TIPRL: variants seen among roughly 807,000 people sequenced by gnomAD.
The protein encoded by TIPRL is TIP41-like protein.
A neutral mutation model predicts 32.3 loss-of-function variants in TIPRL; 10 were observed. The observed-to-expected ratio is 0.31, with a 90% confidence interval of 0.19 to 0.52. The LOEUF (loss-of-function observed/expected upper bound fraction) is 0.52, where lower values mean the gene tolerates loss of function less well. Ranked by LOEUF, TIPRL falls within the 20% of genes least tolerant of loss-of-function variation. The probability of loss-of-function intolerance (pLI) is 0.96; values close to 1 mark genes in which losing one functional copy is unlikely to be tolerated. For missense variants in TIPRL, 250 were observed against 328.1 expected (o/e 0.76, Z 1.84); for synonymous variants, 100 against 114.0 (o/e 0.88, Z 0.78).
intron 5 of TIPRL, 78 bp from the exon 6 acceptor site, chr1:168,198,841 G>A (rs1700182920): frequency 8.0e-7 from 1 of 1,253,572 alleles, no homozygotes; most frequent in Non-Finnish European, 1.1e-6. Context: ...CTAAAATGTA[G>A]GCAGTCTGTT....
chr1:168,185,022 G>A, intron 3 of TIPRL, 144 bp downstream of exon 3: 1 of 541,054 alleles, frequency 1.8e-6, no homozygotes, highest in Non-Finnish European at 3.2e-6. Flanking sequence ...CTAATGTGAG[G>A]GGGTTTTGCT....
Position 168,198,945 on chromosome 1 carries a change from A to C in TIPRL, c.639A>C (p.Glu213Asp). The change falls in exon 6 of 7, where the codon GAA becomes GAC. Residue 213 changes from glutamate (E) to aspartate (D), a missense_variant. Glu to Asp is a conservative substitution (Grantham distance 45, BLOSUM62 2). Coordinates refer to ENST00000367833, the MANE Select transcript of TIPRL (RefSeq NM_152902.5). ...CTGACAAGACCTACATGTTACGAGA[A>C]TATACGTCACGAGAAAGCAAAATTT... ...HEADKTYMLREYTSRESKISS... is the reference protein window; with the variant it reads ...HEADKTYMLRDYTSRESKISS... The C allele has an allele frequency of 1.2e-6, 2 of 1,612,678 alleles. No individual in the cohort carries two copies. Among genetic ancestry groups the C allele is most frequent in the Non-Finnish European group, 1.7e-6 (2 of 1,179,188 alleles).
intron 3 of TIPRL, among the ~76,000 whole-genome samples, chr1:168,187,656 A>C (rs1443192009): frequency 6.6e-6 from 1 of 152,198 alleles, no homozygotes; most frequent in East Asian, 1.9e-4. Flanking sequence ...AAACTAGGGT[A>C]ATACTAGTTG....
At position 168,179,197 on chromosome 1, in the gene TIPRL, ACGGGGT is replaced by A; in HGVS notation, c.104+18_104+23del. 2 of 1,612,712 alleles carry A rather than the reference ACGGGGT, an allele frequency of 1.2e-6. No homozygotes were observed. The highest frequency in any genetic ancestry group is 1.7e-6 in the Non-Finnish European group (2 of 1,178,976). ...ATGTGGAGAAGTGAGGCTTCGGGGCACGGGGTCTGGGCGCTGGCCGGTTGCTGGCCC... is the reference window on the plus strand; with the variant it reads ...ATGTGGAGAAGTGAGGCTTCGGGGCACTGGGCGCTGGCCGGTTGCTGGCCC... On this transcript the variant is annotated intron_variant, in intron 1 of 6. Coordinates refer to ENST00000367833, the MANE Select transcript of TIPRL (RefSeq NM_152902.5).
At chr1:168,186,093 AAAAAAAAAAAG>A (rs1303702026) in intron 3 of TIPRL, among the ~76,000 whole-genome samples, 1 of 151,090 alleles carries the variant, frequency 6.6e-6, no homozygotes, top group Non-Finnish European at 1.5e-5. Flanking sequence ...AAAAAAAAAA[AAAAAAAAAAAG>A]AGAGAGATTC....
intron 4 of TIPRL, 117 bp downstream of exon 4, chr1:168,191,617 A>G: frequency 7.3e-6 from 6 of 820,254 alleles, no homozygotes; most frequent in Non-Finnish European, 8.4e-6. Flanking sequence ...CACGCCTGTA[A>G]TCCCAGCACT....
chr1:168,201,700 C>A lies in TIPRL; in HGVS notation c.*1654C>A, dbSNP rs1700208959. 6.6e-6 allele frequency: 1 copy of A among 151,530 alleles called. No homozygotes were observed. The highest frequency in any genetic ancestry group is 1.5e-5 in the Non-Finnish European group (1 of 67,912). The allele number at this position is 151,530 out of a possible 1,614,324, so 9.4% of individuals were successfully genotyped here. A position where few individuals can be genotyped will look rare whatever the true frequency, so the allele number is the denominator to read the frequency against. ...CATTGAGATTAGAATAGAACAGGCTCTATTCATGCAAACTATATGAAATGA... is the reference window on the plus strand; with the variant it reads ...CATTGAGATTAGAATAGAACAGGCTATATTCATGCAAACTATATGAAATGA... On this transcript the variant is annotated 3_prime_UTR_variant, in exon 7 of 7. Coordinates refer to ENST00000367833, the MANE Select transcript of TIPRL (RefSeq NM_152902.5).
Position 168,184,763 on chromosome 1 carries a change from C to G in TIPRL, c.285-16C>G. 1.3e-6 allele frequency: 2 copies of G among 1,543,620 alleles called. No individual in the cohort carries two copies. The highest frequency in any genetic ancestry group is 1.8e-6 in the Non-Finnish European group (2 of 1,119,180). The stretch of plus-strand genomic sequence containing the variant: ...CTGCATCACTGAATCTGATCCTTCT[C>G]ATTTTGGTATTTGAGGACGGAGGGT... On this transcript the variant is annotated splice_polypyrimidine_tract_variant and intron_variant, in intron 2 of 6. Transcript: ENST00000367833.
rs34841229 is a variant in TIPRL, at chr1:168,192,885, AAAAC to A, written c.516+1405_516+1408del. Among the ~76,000 whole-genome samples, 214 of 151,530 alleles carry A rather than the reference AAAAC, an allele frequency of 1.4e-3. 1 individual carries two copies. Among genetic ancestry groups the A allele is most frequent in the African/African-American group, 3.4e-3 (142 of 41,208 alleles). ...TGGGCAACAAGCGAGACTCCGTCTC[AAAAC>A]AAACAAACAAACAAACAAAACAAAC... is the stretch of plus-strand genomic sequence containing the variant. On this transcript the variant is annotated intron_variant, in intron 4 of 6. Coordinates refer to ENST00000367833, the MANE Select transcript of TIPRL (RefSeq NM_152902.5).
In TIPRL at chr1:168,202,095, A is replaced by G. The variant is rs1044655216; in HGVS notation, c.*2049A>G. On this transcript the variant is annotated 3_prime_UTR_variant, in exon 7 of 7. Transcript: ENST00000367833. ...TCTTTTTGTAAGAGGAGAATAAACA[A>G]TAAGGAATTACTGATCAAAGTTTTA... The G allele has an allele frequency of 3.9e-5, 6 of 152,188 alleles. No individual in the cohort carries two copies. The highest frequency in any genetic ancestry group is 3.3e-4 in the Admixed American group (5 of 15,288). 9.4% of individuals were successfully genotyped at this position (152,188 alleles called of 1,614,324 possible). A position where few individuals can be genotyped will look rare whatever the true frequency, so the allele number is the denominator to read the frequency against.
chr1:168,191,520 A>T lies in TIPRL; in HGVS notation c.516+20A>T. On this transcript the variant is annotated intron_variant, in intron 4 of 6. Coordinates refer to ENST00000367833, the MANE Select transcript of TIPRL (RefSeq NM_152902.5). ...AAGATTGTGAGTATTATTTTTATTT[A>T]AAATTAATATTTTTCTTGCATTCTT... 1 of 1,442,856 alleles carries T rather than the reference A, an allele frequency of 6.9e-7. No individual in the cohort carries two copies. Among genetic ancestry groups the T allele is most frequent in the Non-Finnish European group, 9.1e-7 (1 of 1,098,896 alleles). The allele number at this position is 1,442,856 out of a possible 1,614,324, so 89.4% of individuals were successfully genotyped here. A position where few individuals can be genotyped will look rare whatever the true frequency, so the allele number is the denominator to read the frequency against.
At chr1:168,197,287 G>GAA (rs60707184) in intron 5 of TIPRL, among the ~76,000 whole-genome samples, 1 of 144,072 alleles carries the variant, frequency 6.9e-6, no homozygotes. Context: ...CTGTCTCAAA[G>GAA]AAAAAAAAAA....
At position 168,184,008 on chromosome 1, in the gene TIPRL, G is replaced by T; in HGVS notation, c.211G>T (p.Asp71Tyr). ...SGFGIEFNATDALRCVNNYQG... is the reference protein window; with the variant it reads ...SGFGIEFNATYALRCVNNYQG... ...CTTTGGAATTGAGTTCAATGCTACA[G>T]ATGCGTTAAGATGTGTAAACAACTA... The change falls in exon 2 of 7, where the codon GAT becomes TAT. Residue 71 changes from aspartate to tyrosine, a missense_variant. Asp to Tyr is a radical substitution (Grantham distance 160, BLOSUM62 -3). Transcript: ENST00000367833. 1.2e-6 allele frequency: 2 copies of T among 1,614,144 alleles called. No homozygotes were observed. Among genetic ancestry groups the T allele is most frequent in the Middle Eastern group, 1.7e-4 (1 of 6,060 alleles).
At chr1:168,190,842 A>G (rs1242803118) in intron 3 of TIPRL, among the ~76,000 whole-genome samples, 2 of 152,222 alleles carry the variant, frequency 1.3e-5, no homozygotes, top group African/African-American at 4.8e-5. Context: ...TTGCAATGCT[A>G]AGAGTTTCCC....
intron 2 of TIPRL, 105 bp from the exon 3 acceptor site, chr1:168,184,674 T>C: frequency 1.3e-6 from 1 of 753,192 alleles, no homozygotes; most frequent in Non-Finnish European, 2.2e-6. Flanking sequence ...GTGTATATAT[T>C]TAATAGGATA....
chr1:168,199,052 C>A, intron 6 of TIPRL, 71 bp downstream of exon 6: 2 of 1,175,330 alleles, frequency 1.7e-6, no homozygotes, highest in Admixed American at 2.0e-5. Context: ...GCATATACCC[C>A]TGACCCCAAC....
At chr1:168,196,907 T>C (rs978120649) in intron 5 of TIPRL, among the ~76,000 whole-genome samples, 2 of 152,254 alleles carry the variant, frequency 1.3e-5, no homozygotes, top group Non-Finnish European at 2.9e-5. Context: ...ATTTTGTATG[T>C]ACTTAATCCA....
At chr1:168,197,781 C>T (rs1700173627) in intron 5 of TIPRL, among the ~76,000 whole-genome samples, 1 of 152,186 alleles carries the variant, frequency 6.6e-6, no homozygotes, top group East Asian at 1.9e-4. Context: ...ATTGCCTCGG[C>T]CTCCCAAAGT....
At chr1:168,180,972 CTT>C (rs922532668) in intron 1 of TIPRL, among the ~76,000 whole-genome samples, 1 of 151,020 alleles carries the variant, frequency 6.6e-6, no homozygotes, top group Non-Finnish European at 1.5e-5. Flanking sequence ...CCTTGTATAA[CTT>C]TTATTTATTT....
Sources: allele counts gnomAD v4.1 joint callset (sites outside exome capture counted in the v4.1 genomes callset), GRCh38; gene constraint gnomAD v4.1.1; transcripts MANE v1.5; gene names NCBI Gene and HGNC (gene_info 2026-07-23, HGNC 2026-07-21).